The following ZNF697 variants were observed in gnomAD, a reference collection of about 807,000 sequenced individuals.
ZNF697 encodes the protein zinc finger protein 697.
Under a neutral mutation model 32.4 loss-of-function variants are expected in ZNF697, and 23 were observed. That is an observed-to-expected ratio of 0.71 (90% CI 0.51 to 1.01). The LOEUF is 1.01. ZNF697 is among the 50% of genes least tolerant of loss of function. The probability of loss-of-function intolerance (pLI) is 0.00; values close to 1 mark genes in which losing one functional copy is unlikely to be tolerated. For missense variants in ZNF697, 930 were observed against 794.0 expected, an observed-to-expected ratio of 1.17 and a Z score of -2.06; for synonymous variants, 418 against 337.2, an observed-to-expected ratio of 1.24 and a Z score of -2.62.
chr1:119,638,881 G>A (rs1313373879), intron 1 of ZNF697, among the ~76,000 whole-genome samples: 1 of 152,198 alleles, frequency 6.6e-6, no homozygotes, highest in African/African-American at 2.4e-5. Context: ...ACATGCGAAG[G>A]AGTCAACAGC....
intron 1 of ZNF697, among the ~76,000 whole-genome samples, chr1:119,644,723 A>C (rs1459906411): frequency 6.6e-6 from 1 of 152,254 alleles, no homozygotes. Flanking sequence ...ATGTTCAATA[A>C]GTGGCGACTA....
At chr1:119,630,211 C>T (rs1034278318) in intron 1 of ZNF697, among the ~76,000 whole-genome samples, 3 of 152,212 alleles carry the variant, frequency 2.0e-5, no homozygotes, top group Non-Finnish European at 2.9e-5. Context: ...TTCGGGCTTC[C>T]GTTCCATGAG....
rs1648463242 is a variant in ZNF697 at position 119,623,771 on chromosome 1, C to CGGG, written c.571_572insCCC (p.Cys191delinsSerArg). ...ACTGAAGCTCTCCCCGCAGTCGGGG[C>CGGG]AGATGGTGGGCGCGTCCATGATGCT... On this transcript the variant is annotated protein_altering_variant, in exon 3 of 3. Coordinates refer to ENST00000421812, the MANE Select transcript of ZNF697 (RefSeq NM_001080470.2). 1 of 1,544,336 alleles carries CGGG rather than the reference C, an allele frequency of 6.5e-7. No homozygotes were observed. The highest frequency in any genetic ancestry group is 2.0e-5 in the Admixed American group (1 of 50,866).
At chr1:119,640,438 T>C (rs949426585) in intron 1 of ZNF697, among the ~76,000 whole-genome samples, 2 of 152,188 alleles carry the variant, frequency 1.3e-5, no homozygotes, top group African/African-American at 4.8e-5. Context: ...CCCTGCTAAA[T>C]AGGTAGCCAT....
At position 119,623,637 on chromosome 1, in the gene ZNF697, C is replaced by A; in HGVS notation, c.706G>T (p.Gly236Cys). 1 of 1,503,808 alleles carries A rather than the reference C, an allele frequency of 6.6e-7. No homozygotes were observed. Among genetic ancestry groups the A allele is most frequent in the Non-Finnish European group, 8.8e-7 (1 of 1,132,446 alleles). The allele number at this position is 1,503,808 out of a possible 1,614,324, so 93.2% of individuals were successfully genotyped here. The change falls in exon 3 of 3, where the codon GGC (glycine) becomes TGC (cysteine). Residue 236 changes from glycine (G) to cysteine (C), a missense_variant. Physicochemically the swap from Gly to Cys is radical, Grantham distance 159. Transcript: ENST00000421812. ...CCCGCCACACCCACCCCCATCATGC[C>A]CACCATCGCGTCGCACTCGCCCGCC... ...GLAGECDAMV[G>C]MMGVGVAGGF...
intron 1 of ZNF697, among the ~76,000 whole-genome samples, chr1:119,634,098 T>C (rs946063048): frequency 6.6e-6 from 1 of 152,210 alleles, no homozygotes. Context: ...TGGAATCCCA[T>C]ATTAACGTTG....
Position 119,622,913 on chromosome 1 carries a change from A to C in ZNF697, c.1430T>G (p.Phe477Cys), listed in dbSNP as rs1448328979. The C allele has an allele frequency of 1.3e-6, 2 of 1,582,454 alleles. No individual in the cohort carries two copies. The highest frequency in any genetic ancestry group is 1.7e-6 in the Non-Finnish European group (2 of 1,167,850). ...GCGCTGGTGCTGCGTGAGCGTGGAGAAGTCGCTGAAGCGCTTCTCGCACTG... is the reference window on the plus strand; with the variant it reads ...GCGCTGGTGCTGCGTGAGCGTGGAGCAGTCGCTGAAGCGCTTCTCGCACTG... ...CGQCEKRFSD[F>C]STLTQHQRTH... The change falls in exon 3 of 3, where the codon TTC (phenylalanine) becomes TGC (cysteine). Residue 477 changes from phenylalanine (F) to cysteine (C), a missense_variant. Physicochemically the swap from Phe to Cys is radical, Grantham distance 205 (BLOSUM62 -2). Transcript: ENST00000421812.
chr1:119,634,818 A>G lies in ZNF697; in HGVS notation c.-37-8681T>C, dbSNP rs587617708. 2.0e-5 allele frequency among the ~76,000 whole-genome samples: 3 copies of G among 152,352 alleles called. No individual in the cohort carries two copies. In the South Asian group the frequency reaches 6.2e-4, roughly 32 times the overall value. On this transcript the variant is annotated intron_variant, in intron 1 of 2. Coordinates refer to ENST00000421812, the MANE Select transcript of ZNF697 (RefSeq NM_001080470.2). ...TCAAACTTACAAATTACAGAAACAA[A>G]TTATAAGACAACGGAGGAACTGTGA...
In ZNF697 at chr1:119,623,646, C is replaced by G. The variant is rs989025775; in HGVS notation, c.697G>C (p.Ala233Pro). The stretch of plus-strand genomic sequence containing the variant: ...CCCACCCCCATCATGCCCACCATCG[C>G]GTCGCACTCGCCCGCCAGGCCGAAG... Reference protein sequence around the residue: ...EPFGLAGECDAMVGMMGVGVA... With the variant: ...EPFGLAGECDPMVGMMGVGVA... Residue 233 changes from alanine to proline, a missense_variant, in exon 3 of 3, where the codon GCG becomes CCG. Transcript: ENST00000421812. 3.3e-6 allele frequency: 5 copies of G among 1,509,846 alleles called. No individual in the cohort carries two copies. The African/African-American group carries it at 5.7e-5, about 17-fold the overall frequency. 93.5% of individuals were successfully genotyped at this position (1,509,846 alleles called of 1,614,324 possible).
At chr1:119,632,354 A>G (rs1449279499) in intron 1 of ZNF697, among the ~76,000 whole-genome samples, 1 of 152,242 alleles carries the variant, frequency 6.6e-6, no homozygotes, top group African/African-American at 2.4e-5. Flanking sequence ...GTGAGGGTGA[A>G]CATTAATTCC....
At chr1:119,625,380 G>A (rs1184192746) in intron 2 of ZNF697, among the ~76,000 whole-genome samples, 6 of 152,294 alleles carry the variant, frequency 3.9e-5, no homozygotes, top group South Asian at 4.1e-4. Flanking sequence ...ATTTAGCAGA[G>A]GCCATGGGCA....
chr1:119,622,662 C>T lies in ZNF697; in HGVS notation c.*43G>A, dbSNP rs749312628. Reference sequence around the variant, plus strand: ...CTGGGTCAGTCCCAGGATATCTACCCCCCACAGGCTCCCCAGACGGCAGCC... The same window carrying T: ...CTGGGTCAGTCCCAGGATATCTACCTCCCACAGGCTCCCCAGACGGCAGCC... On this transcript the variant is annotated 3_prime_UTR_variant, in exon 3 of 3. Coordinates refer to ENST00000421812, the MANE Select transcript of ZNF697 (RefSeq NM_001080470.2). 17 of 1,470,620 alleles carry T rather than the reference C, an allele frequency of 1.2e-5. No individual in the cohort carries two copies. The highest frequency in any genetic ancestry group is 1.5e-5 in the Non-Finnish European group (17 of 1,111,474). 91.1% of individuals were successfully genotyped at this position (1,470,620 alleles called of 1,614,324 possible). A position where few individuals can be genotyped will look rare whatever the true frequency, so the allele number is the denominator to read the frequency against.
rs587671632 is a variant in ZNF697, at chr1:119,621,446, C to T, written c.*1259G>A. On this transcript the variant is annotated 3_prime_UTR_variant, in exon 3 of 3. Transcript: ENST00000421812. ...TGCAAATATCAAAGTGCTATTTTGGCATCTATATAACAACCAGAAAACATT... is the reference window on the plus strand; with the variant it reads ...TGCAAATATCAAAGTGCTATTTTGGTATCTATATAACAACCAGAAAACATT... 89 of 152,734 alleles carry T rather than the reference C, an allele frequency of 5.8e-4. No individual in the cohort carries two copies. Among genetic ancestry groups the T allele is most frequent in the Non-Finnish European group, 8.5e-4 (58 of 68,028 alleles). 9.5% of individuals were successfully genotyped at this position (152,734 alleles called of 1,614,324 possible). A position where few individuals can be genotyped will look rare whatever the true frequency, so the allele number is the denominator to read the frequency against.
rs1286103085 is a variant in ZNF697 at position 119,624,003 on chromosome 1, G to T, written c.340C>A (p.Arg114=). 3.1e-6 allele frequency: 5 copies of T among 1,612,812 alleles called. No homozygotes were observed. The highest frequency in any genetic ancestry group is 1.7e-4 in the Middle Eastern group (1 of 6,052). The change falls in exon 3 of 3, where the codon CGG becomes AGG. Residue 114 remains arginine, a synonymous_variant. Transcript: ENST00000421812. ...TCGTCGTCGTCCTCCCGGAGGCTCC[G>T]GGATATGCTGTCAGACTCAGACAGT... The part of the protein sequence containing the change: ...PGLSESDSIS[R]SLREDDDESA...
Position 119,623,417 on chromosome 1 carries a change from C to CGCCGGT in ZNF697, c.920_925dup (p.His307_Arg308dup). The CGCCGGT allele has an allele frequency of 6.5e-7, 1 of 1,528,454 alleles. No individual in the cohort carries two copies. The allele number at this position is 1,528,454 out of a possible 1,614,324, so 94.7% of individuals were successfully genotyped here. A position where few individuals can be genotyped will look rare whatever the true frequency, so the allele number is the denominator to read the frequency against. On this transcript the variant is annotated inframe_insertion, in exon 3 of 3. Coordinates refer to ENST00000421812, the MANE Select transcript of ZNF697 (RefSeq NM_001080470.2). The stretch of plus-strand genomic sequence containing the variant: ...GTAGGGCTTCTCGCCCGTGTGCAGG[C>CGCCGGT]GCCGGTGCTTGAGCAGGTCGGCGCG...
chr1:119,636,287 G>T (rs958840026), intron 1 of ZNF697, among the ~76,000 whole-genome samples: 6 of 152,180 alleles, frequency 3.9e-5, no homozygotes, highest in Non-Finnish European at 8.8e-5. Flanking sequence ...TGTGTCTGTA[G>T]ACACTTTCTC....
chr1:119,633,399 G>C (rs1002895739), intron 1 of ZNF697, among the ~76,000 whole-genome samples: 2 of 147,998 alleles, frequency 1.4e-5, no homozygotes, highest in Non-Finnish European at 3.0e-5. Context: ...TGTGTATAGA[G>C]AGAGAGAGAG....
rs185745506 is a variant in ZNF697, at chr1:119,641,766, C to G, written c.-38+5925G>C. On this transcript the variant is annotated intron_variant, in intron 1 of 2. Coordinates refer to ENST00000421812, the MANE Select transcript of ZNF697 (RefSeq NM_001080470.2). Reference sequence around the variant, plus strand: ...GATGGTTTTATAAGGAGCTTTTCCCCCTTTGCTCGGCACTTCTCTCTTCTG... The same window carrying G: ...GATGGTTTTATAAGGAGCTTTTCCCGCTTTGCTCGGCACTTCTCTCTTCTG... Among the ~76,000 whole-genome samples, 265 of 152,268 alleles carry G rather than the reference C, an allele frequency of 1.7e-3. 2 individuals are homozygous for G. The highest frequency in any genetic ancestry group is 6.1e-3 in the African/African-American group (254 of 41,556).
In ZNF697 at chr1:119,622,757, C is replaced by A. The variant is rs185912075; in HGVS notation, c.1586G>T (p.Gly529Val). The change falls in exon 3 of 3, where the codon GGC becomes GTC. Residue 529 changes from glycine to valine, a missense_variant. By Grantham distance (109) the Gly-to-Val change is moderately radical. Transcript: ENST00000421812. ...KPHKCAGCGK[G>V]FRYKTHLAQH... ...CGCGAGGTGCGTTTTATAGCGGAAGCCTTTGCCGCAGCCCGCACACTTGTG... is the reference window on the plus strand; with the variant it reads ...CGCGAGGTGCGTTTTATAGCGGAAGACTTTGCCGCAGCCCGCACACTTGTG... 227 of 1,579,784 alleles carry A rather than the reference C, an allele frequency of 1.4e-4. No individual in the cohort carries two copies. The highest frequency in any genetic ancestry group is 1.9e-4 in the Non-Finnish European group (222 of 1,162,808).
Sources: allele counts gnomAD v4.1 joint callset (sites outside exome capture counted in the v4.1 genomes callset), GRCh38; gene constraint gnomAD v4.1.1; transcripts MANE v1.5; gene names NCBI Gene and HGNC (gene_info 2026-07-23, HGNC 2026-07-21).